The following PARP16 variants were observed in gnomAD, a reference collection of about 807,000 sequenced individuals.
The protein encoded by PARP16 is poly(ADP-ribose) polymerase family member 16.
Under a neutral mutation model 35.0 loss-of-function variants are expected in PARP16, and 31 were observed. The ratio of observed to expected loss-of-function variants is 0.88; its 90% CI spans 0.66 to 1.19. The LOEUF (loss-of-function observed/expected upper bound fraction) is 1.19. Ranked by LOEUF, PARP16 falls within the 50% of genes most tolerant of loss-of-function variation. PARP16 has a pLI of 0.00. For synonymous variants in PARP16, 162 were observed against 169.5 expected (o/e 0.96, Z 0.34); for missense variants, 424 against 411.2 (o/e 1.03, Z -0.27).
downstream of PARP16, among the ~76,000 whole-genome samples, chr15:65,231,995 C>T (rs2088783102): frequency 1.3e-5 from 2 of 151,894 alleles, no homozygotes; most frequent in African/African-American, 2.4e-5. Flanking sequence ...TTTTTAGTGC[C>T]AATGAATTCT....
At chr15:65,243,806 G>T (rs2089140069) in intron 3 of PARP16, among the ~76,000 whole-genome samples, 1 of 151,648 alleles carries the variant, frequency 6.6e-6, no homozygotes, top group Non-Finnish European at 1.5e-5. Flanking sequence ...TCACACTTTT[G>T]TGTAAACCCT....
chr15:65,252,760 A>C (rs17231843), intron 2 of PARP16, among the ~76,000 whole-genome samples: 42,540 of 152,100 alleles, frequency 0.28, 6,188 homozygotes, highest in Admixed American at 0.33. Context: ...CTTTGTTATC[A>C]GTCATTTGCA....
At chr15:65,278,496 T>C (rs929147186) in intron 1 of PARP16, among the ~76,000 whole-genome samples, 2 of 152,016 alleles carry the variant, frequency 1.3e-5, no homozygotes, top group Admixed American at 1.3e-4. Flanking sequence ...CCTCAGGGGT[T>C]TGGGAAGAGA....
At chr15:65,252,403 T>C (rs2089385321) in intron 2 of PARP16, among the ~76,000 whole-genome samples, 1 of 152,218 alleles carries the variant, frequency 6.6e-6, no homozygotes, top group Non-Finnish European at 1.5e-5. Flanking sequence ...TGATAGGCAA[T>C]ATATTATGGG....
intron 5 of PARP16, 56 bp downstream of exon 5, chr15:65,260,829 C>G: frequency 6.4e-6 from 10 of 1,568,026 alleles, no homozygotes; most frequent in Non-Finnish European, 8.8e-6. Context: ...ATACCTACAA[C>G]AACTAAGAAA....
chr15:65,255,418 A>G (rs1341505159), downstream of PARP16, among the ~76,000 whole-genome samples: 2 of 152,222 alleles, frequency 1.3e-5, no homozygotes. Context: ...ATGCAGTAAT[A>G]AAATATAATT....
intron 2 of PARP16, among the ~76,000 whole-genome samples, chr15:65,267,134 A>G (rs59392617): frequency 0.3 from 45,388 of 151,828 alleles, 7,000 homozygotes; most frequent in Admixed American, 0.35. Context: ...CCAGCTACTT[A>G]GGAGGCTGAG....
chr15:65,276,672 A>AT (rs1459033231), intron 1 of PARP16, among the ~76,000 whole-genome samples: 2 of 152,002 alleles, frequency 1.3e-5, no homozygotes, highest in African/African-American at 2.4e-5. Flanking sequence ...CAGCCAACAA[A>AT]TTTTTTTTAG....
At chr15:65,233,959 C>G (rs547937456), downstream of PARP16, among the ~76,000 whole-genome samples, 62 of 151,936 alleles carry the variant, frequency 4.1e-4, no homozygotes, top group Middle Eastern at 3.4e-3. Context: ...GAAGTTTATT[C>G]AGGGTACTTA....
intron 1 of PARP16, among the ~76,000 whole-genome samples, chr15:65,281,477 G>A (rs189363277): frequency 6.6e-6 from 1 of 152,116 alleles, no homozygotes; most frequent in Non-Finnish European, 1.5e-5. Context: ...ATCACCTGAG[G>A]TCAGGAGTTC....
At chr15:65,261,702 C>T (rs917703169) in intron 4 of PARP16, among the ~76,000 whole-genome samples, 1 of 152,018 alleles carries the variant, frequency 6.6e-6, no homozygotes. Context: ...AGGTGATCAG[C>T]CTGCCTCAGC....
chr15:65,239,534 C>T (rs945750802), intron 3 of PARP16, among the ~76,000 whole-genome samples: 1 of 150,826 alleles, frequency 6.6e-6, no homozygotes, highest in Non-Finnish European at 1.5e-5. Context: ...TTCTCGTGCT[C>T]CTTTGAAATC....
chr15:65,270,387 G>A (rs1195884665), intron 2 of PARP16, among the ~76,000 whole-genome samples: 10 of 152,128 alleles, frequency 6.6e-5, no homozygotes, highest in Admixed American at 2.6e-4. Flanking sequence ...GGCCCTTTTC[G>A]ATAGAAATGG....
At chr15:65,249,459 G>A (rs2140768831) in intron 2 of PARP16, among the ~76,000 whole-genome samples, 1 of 152,350 alleles carries the variant, frequency 6.6e-6, no homozygotes, top group South Asian at 2.1e-4. Context: ...GCAAAATGGG[G>A]ACTCAGGAGA....
intron 1 of PARP16, among the ~76,000 whole-genome samples, chr15:65,280,101 A>C (rs772985924): frequency 6.6e-6 from 1 of 152,066 alleles, no homozygotes; most frequent in Non-Finnish European, 1.5e-5. Context: ...GTCAATATTC[A>C]ATTTCCAATA....
chr15:65,259,400 A>G lies in PARP16; in HGVS notation c.*7T>C. ...TTGAGGTAGCCCCCACACCAGGCCCAGAAAGATTATCTTTTCGCACGATTC... is the reference window on the plus strand; with the variant it reads ...TTGAGGTAGCCCCCACACCAGGCCCGGAAAGATTATCTTTTCGCACGATTC... On this transcript the variant is annotated 3_prime_UTR_variant, in exon 6 of 6. Coordinates refer to ENST00000649807, the MANE Select transcript of PARP16 (RefSeq NM_001316943.2). 6.2e-7 allele frequency: 1 copy of G among 1,614,192 alleles called. No homozygotes were observed. The highest frequency in any genetic ancestry group is 1.3e-5 in the African/African-American group (1 of 75,068).
rs376672265 is a variant in PARP16, at chr15:65,286,265, G to C, written c.162C>G (p.Asp54Glu). ...PASYARGDCK[D>E]FEALLADASK... ...AAAGCACACTCACCAGGGCTTCAAA[G>C]TCCTTACAGTCGCCGCGGGCGTAGG... The change falls in exon 1 of 6, where the codon GAC (aspartate) becomes GAG (glutamate). Residue 54 changes from aspartate (D) to glutamate (E), a missense_variant. Asp to Glu is a conservative substitution (Grantham distance 45). Transcript: ENST00000649807. 1.9e-6 allele frequency: 3 copies of C among 1,585,922 alleles called. No individual in the cohort carries two copies. Among genetic ancestry groups the C allele is most frequent in the African/African-American group, 2.8e-5 (2 of 71,944 alleles).
At chr15:65,259,570 T>C (rs374929729) in intron 5 of PARP16, 28 bp from the exon 6 acceptor site, 3 of 1,606,896 alleles carry the variant, frequency 1.9e-6, no homozygotes, top group East Asian at 4.5e-5. Flanking sequence ...AAGAGTGGTG[T>C]TGGCAAAAAG....
At chr15:65,267,939 C>T (rs2089961510) in intron 2 of PARP16, among the ~76,000 whole-genome samples, 1 of 151,924 alleles carries the variant, frequency 6.6e-6, no homozygotes, top group Admixed American at 6.5e-5. Flanking sequence ...GATCCACCCG[C>T]CTCAGCCGCC....
Sources: gnomAD v4.1 joint callset for allele counts (sites outside exome capture counted in the v4.1 genomes callset) on GRCh38, gnomAD v4.1.1 for gene constraint, MANE v1.5 for transcripts, NCBI Gene and HGNC (gene_info 2026-07-23, HGNC 2026-07-21) for gene names.